The following VRK2 variants were observed in gnomAD, a reference collection of about 807,000 sequenced individuals.
VRK2 encodes the protein serine/threonine-protein kinase VRK2.
A neutral mutation model predicts 57.6 loss-of-function variants in VRK2; 60 were observed. That is an observed-to-expected ratio of 1.04 (90% CI 0.85 to 1.29). VRK2 has a LOEUF of 1.29. VRK2 is among the 50% of genes most tolerant of loss of function. VRK2 has a pLI of 0.00. For missense variants in VRK2, 705 were observed against 588.1 expected (o/e 1.20, Z -2.06); for synonymous variants, 231 against 199.2 (o/e 1.16, Z -1.35).
At chr2:57,978,051 G>A (rs1672303124) in intron 1 of VRK2, among the ~76,000 whole-genome samples, 1 of 151,220 alleles carries the variant, frequency 6.6e-6, no homozygotes. Context: ...CTAAGCTTAA[G>A]TCATAGAAAT....
intron 1 of VRK2, among the ~76,000 whole-genome samples, chr2:58,024,317 G>T (rs1261729468): frequency 6.6e-6 from 1 of 152,166 alleles, no homozygotes; most frequent in Non-Finnish European, 1.5e-5. Context: ...AATAGGTTGA[G>T]GGTTCAGTGG....
intron 1 of VRK2, among the ~76,000 whole-genome samples, chr2:57,991,840 G>C (rs1572751297): frequency 6.6e-6 from 1 of 151,134 alleles, no homozygotes; most frequent in East Asian, 1.9e-4. Flanking sequence ...CTCCTGTAGT[G>C]CCAGCTACTC....
upstream of VRK2, among the ~76,000 whole-genome samples, chr2:58,043,901 A>C (rs1283221078): frequency 6.6e-6 from 1 of 152,218 alleles, no homozygotes; most frequent in Non-Finnish European, 1.5e-5. Flanking sequence ...TTTGAAAAGC[A>C]AAAGTTTTTC....
intron 2 of VRK2, among the ~76,000 whole-genome samples, chr2:58,063,263 A>G (rs185605488): frequency 6.9e-6 from 1 of 144,008 alleles, no homozygotes; most frequent in East Asian, 2.0e-4. Context: ...TTTTTAACAT[A>G]TGAGTGAGAA....
intron 8 of VRK2, among the ~76,000 whole-genome samples, chr2:58,130,635 T>G (rs1478308333): frequency 6.6e-6 from 1 of 152,222 alleles, no homozygotes; most frequent in African/African-American, 2.4e-5. Flanking sequence ...TAGATGACTT[T>G]TTAAATTAAA....
chr2:57,953,484 A>G (rs1671489780), intron 1 of VRK2, among the ~76,000 whole-genome samples: 1 of 152,192 alleles, frequency 6.6e-6, no homozygotes, highest in Non-Finnish European at 1.5e-5. Context: ...CTTTGCGTGT[A>G]TCCCATAAAA....
intron 1 of VRK2, among the ~76,000 whole-genome samples, chr2:57,909,779 A>C (rs1669930498): frequency 1.3e-5 from 2 of 152,184 alleles, no homozygotes; most frequent in Admixed American, 6.6e-5. Context: ...TTAATGAAGA[A>C]ATCTGTCTTA....
chr2:57,965,586 AG>A (rs1225852200), intron 1 of VRK2, among the ~76,000 whole-genome samples: 4 of 152,014 alleles, frequency 2.6e-5, no homozygotes, highest in Non-Finnish European at 5.9e-5. Flanking sequence ...GATAAGGGGG[AG>A]GGAGCTTTCC....
chr2:58,002,061 A>G (rs1250088203), intron 1 of VRK2, among the ~76,000 whole-genome samples: 1 of 152,242 alleles, frequency 6.6e-6, no homozygotes, highest in Non-Finnish European at 1.5e-5. Flanking sequence ...AGAACATGGT[A>G]GCAACTCAAT....
intron 7 of VRK2, among the ~76,000 whole-genome samples, chr2:58,100,555 A>G (rs886998952): frequency 1.3e-5 from 2 of 151,806 alleles, no homozygotes; most frequent in Non-Finnish European, 2.9e-5. Flanking sequence ...ATTTTCAGAT[A>G]AGCAAAGAGA....
chr2:58,033,912 A>C (rs57597086), intron 3 of VRK2, among the ~76,000 whole-genome samples: 10,637 of 152,026 alleles, frequency 0.07, 1,246 homozygotes, highest in African/African-American at 0.24. Context: ...AATCTGATAC[A>C]ATTTCCTACT....
rs550558293 is a variant in VRK2, at chr2:57,997,683, G to A, written c.-438-27982G>A. On this transcript the variant is annotated intron_variant, in intron 1 of 15. Coordinates refer to the VRK2 transcript ENST00000417641. Reference sequence around the variant, plus strand: ...TTTGGGAAGCTGAAGTGGACAGATCGCTTGAGCTCAGCAGTTTGAGACCAG... The same window carrying A: ...TTTGGGAAGCTGAAGTGGACAGATCACTTGAGCTCAGCAGTTTGAGACCAG... 5.9e-5 allele frequency among the ~76,000 whole-genome samples: 9 copies of A among 152,168 alleles called. No individual in the cohort carries two copies. The South Asian group carries it at 1.2e-3, about 21-fold the overall frequency.
rs1002968424 is a variant in VRK2, at chr2:57,931,620, G to A, written c.-439+23781G>A. On this transcript the variant is annotated intron_variant, in intron 1 of 15. Coordinates refer to the VRK2 transcript ENST00000417641. ...TTGCTGTGCAGAAATGTATTAGTTC[G>A]ATATAGTCCCACTTTGTTTTTGCTT... is the stretch of plus-strand genomic sequence containing the variant. 3.3e-5 allele frequency among the ~76,000 whole-genome samples: 5 copies of A among 152,100 alleles called. No homozygotes were observed. The East Asian group carries it at 5.8e-4, about 18-fold the overall frequency.
chr2:57,984,671 A>G (rs1443011738), intron 1 of VRK2, among the ~76,000 whole-genome samples: 1 of 152,080 alleles, frequency 6.6e-6, no homozygotes, highest in Non-Finnish European at 1.5e-5. Flanking sequence ...CAGGGGAAAA[A>G]CATATGCTCA....
intron 1 of VRK2, among the ~76,000 whole-genome samples, chr2:58,000,818 T>TG (rs1673067358): frequency 1.3e-5 from 2 of 152,332 alleles, no homozygotes; most frequent in African/African-American, 4.8e-5. Context: ...ATTTGACACC[T>TG]GCTGTACAAC....
intron 7 of VRK2, among the ~76,000 whole-genome samples, chr2:58,107,816 A>G (rs1258208672): frequency 6.6e-6 from 1 of 152,112 alleles, no homozygotes; most frequent in African/African-American, 2.4e-5. Flanking sequence ...TTTCTCTGCC[A>G]GCTCCAAATG....
intron 7 of VRK2, among the ~76,000 whole-genome samples, chr2:58,118,931 C>A (rs1225932992): frequency 6.6e-6 from 1 of 151,908 alleles, no homozygotes; most frequent in African/African-American, 2.4e-5. Flanking sequence ...AGCTTCTGAG[C>A]CAGGAGAAGG....
chr2:58,053,465 TG>T (rs1416665537), intron 2 of VRK2, among the ~76,000 whole-genome samples: 1 of 152,194 alleles, frequency 6.6e-6, no homozygotes, highest in Non-Finnish European at 1.5e-5. Flanking sequence ...AATCTTTTGT[TG>T]GCGGATAGGT....
intron 2 of VRK2, among the ~76,000 whole-genome samples, chr2:58,076,524 G>A (rs1430922455): frequency 6.6e-6 from 1 of 151,966 alleles, no homozygotes; most frequent in Non-Finnish European, 1.5e-5. Flanking sequence ...GAAAAACCCT[G>A]TTGACCATTG....
Sources: allele counts gnomAD v4.1 joint callset (sites outside exome capture counted in the v4.1 genomes callset), GRCh38; gene constraint gnomAD v4.1.1; transcripts MANE v1.5; gene names NCBI Gene and HGNC (gene_info 2026-07-23, HGNC 2026-07-21).